Variants in CCSER1 observed in about 807,000 individuals in gnomAD.
CCSER1 encodes the protein coiled-coil serine rich protein 1, also known as serine-rich coiled-coil domain-containing protein 1.
A neutral mutation model predicts 82.0 loss-of-function variants in CCSER1; 41 were observed. The observed-to-expected ratio is 0.50, with a 90% confidence interval of 0.39 to 0.65. The LOEUF is 0.65. Ranked by LOEUF, CCSER1 falls within the 30% of genes least tolerant of loss-of-function variation. CCSER1 has a pLI of 0.00. For missense variants in CCSER1, 1,119 were observed against 1,064.2 expected (o/e 1.05, Z -0.72); for synonymous variants, 414 against 383.9 (o/e 1.08, Z -0.92).
chr4:90,449,973 G>A (rs546548404), intron 4 of CCSER1, among the ~76,000 whole-genome samples: 1 of 152,324 alleles, frequency 6.6e-6, no homozygotes, highest in South Asian at 2.1e-4. Flanking sequence ...CCTCATCGCA[G>A]CTGGCATCTT....
intron 10 of CCSER1, among the ~76,000 whole-genome samples, chr4:91,474,847 C>A (rs1176334450): frequency 6.8e-6 from 1 of 146,640 alleles, no homozygotes; most frequent in African/African-American, 2.5e-5. Flanking sequence ...ACATTGCCTT[C>A]CAAATTTGAG....
intron 10 of CCSER1, among the ~76,000 whole-genome samples, chr4:91,334,691 T>C (rs2149280341): frequency 6.6e-6 from 1 of 152,242 alleles, no homozygotes; most frequent in Non-Finnish European, 1.5e-5. Context: ...ATTTGTGCAT[T>C]GTTTTCCACA....
chr4:91,489,880 T>C (rs1758422482), intron 10 of CCSER1, among the ~76,000 whole-genome samples: 1 of 152,078 alleles, frequency 6.6e-6, no homozygotes, highest in Non-Finnish European at 1.5e-5. Context: ...TATATGGACC[T>C]CAAACAACTC....
chr4:90,261,465 C>G (rs1011684784), intron 1 of CCSER1, among the ~76,000 whole-genome samples: 3 of 152,154 alleles, frequency 2.0e-5, no homozygotes, highest in African/African-American at 7.2e-5. Flanking sequence ...GCTGAGAAGT[C>G]TTCTGTTAGT....
chr4:90,488,143 A>G (rs1767409137), intron 5 of CCSER1, among the ~76,000 whole-genome samples: 1 of 152,184 alleles, frequency 6.6e-6, no homozygotes, highest in Admixed American at 6.5e-5. Flanking sequence ...TGTCTGGACT[A>G]CATGATTGTT....
At chr4:91,174,475 G>C (rs1370435947) in intron 10 of CCSER1, among the ~76,000 whole-genome samples, 2 of 151,978 alleles carry the variant, frequency 1.3e-5, no homozygotes, top group South Asian at 2.1e-4. Context: ...TATAAGTTCT[G>C]GGAAGCATGT....
rs138069376 is a variant in CCSER1, at chr4:90,917,652, T to C, written c.2095-5718T>C. The stretch of plus-strand genomic sequence containing the variant: ...CTTTGTGCACATGTACCCTAGAACT[T>C]AAAGTATAATTTTTTAAAAAAGATC... On this transcript the variant is annotated intron_variant, in intron 8 of 10. Coordinates refer to ENST00000509176, the MANE Select transcript of CCSER1 (RefSeq NM_001145065.2). Among the ~76,000 whole-genome samples, 198 of 152,220 alleles carry C rather than the reference T, an allele frequency of 1.3e-3. 1 individual carries two copies. Among genetic ancestry groups the C allele is most frequent in the African/African-American group, 4.6e-3 (192 of 41,528 alleles).
Position 91,309,290 on chromosome 4 carries a change from TTAAAA to T in CCSER1, c.2217+223302_2217+223306del, listed in dbSNP as rs558645211. On this transcript the variant is annotated intron_variant, in intron 10 of 10. Transcript: ENST00000509176. ...GGCTGATATTTGTTAATACAGCTAT[TTAAAA>T]TAAAACCACCAACAACAAATTCTTC... 1.5e-4 allele frequency among the ~76,000 whole-genome samples: 23 copies of T among 152,152 alleles called. No individual in the cohort carries two copies. The South Asian group carries it at 1.7e-3, about 11-fold the overall frequency.
intron 5 of CCSER1, among the ~76,000 whole-genome samples, chr4:90,598,405 G>A (rs1032634187): frequency 7.9e-5 from 12 of 152,032 alleles, no homozygotes; most frequent in African/African-American, 2.9e-4. Flanking sequence ...ATCTCCTCAT[G>A]CTGCACCAAT....
chr4:91,203,259 T>A (rs1736075436), intron 10 of CCSER1, among the ~76,000 whole-genome samples: 2 of 151,988 alleles, frequency 1.3e-5, no homozygotes, highest in Non-Finnish European at 2.9e-5. Flanking sequence ...ATGCTGAGCT[T>A]TTTTTCATGT....
At chr4:91,309,400 G>A (rs1360347645) in intron 10 of CCSER1, among the ~76,000 whole-genome samples, 1 of 152,066 alleles carries the variant, frequency 6.6e-6, no homozygotes, top group Non-Finnish European at 1.5e-5. Context: ...TCACATGAAT[G>A]AGCTCAAGTG....
At chr4:90,706,930 A>G (rs1432691921) in intron 6 of CCSER1, among the ~76,000 whole-genome samples, 1 of 152,154 alleles carries the variant, frequency 6.6e-6, no homozygotes, top group African/African-American at 2.4e-5. Flanking sequence ...TGGATTTTTA[A>G]AAGCCATACC....
intron 5 of CCSER1, among the ~76,000 whole-genome samples, chr4:90,610,656 A>G (rs928852836): frequency 1.3e-5 from 2 of 152,228 alleles, no homozygotes; most frequent in Non-Finnish European, 2.9e-5. Context: ...CAAATCAATA[A>G]TTAAGCAGTA....
chr4:90,533,404 T>TA (rs1459411722), intron 5 of CCSER1, among the ~76,000 whole-genome samples: 1 of 152,184 alleles, frequency 6.6e-6, no homozygotes, highest in Admixed American at 6.5e-5. Context: ...CTCTCTCTGT[T>TA]TTATCTGCTA....
At chr4:90,498,674 A>C (rs2153610413) in intron 5 of CCSER1, among the ~76,000 whole-genome samples, 1 of 152,288 alleles carries the variant, frequency 6.6e-6, no homozygotes, top group South Asian at 2.1e-4. Flanking sequence ...AGATGATAAA[A>C]ATTCTAAGTC....
At chr4:91,168,897 T>C (rs2148997550) in intron 10 of CCSER1, among the ~76,000 whole-genome samples, 1 of 152,248 alleles carries the variant, frequency 6.6e-6, no homozygotes, top group South Asian at 2.1e-4. Context: ...TCTATAACCT[T>C]ACCCCCAACC....
intron 10 of CCSER1, among the ~76,000 whole-genome samples, chr4:91,560,085 A>G (rs968138845): frequency 4.0e-5 from 6 of 151,444 alleles, no homozygotes; most frequent in African/African-American, 1.5e-4. Context: ...TAAATGCTAG[A>G]TACATATACT....
At chr4:91,271,500 G>A (rs1013683221) in intron 10 of CCSER1, among the ~76,000 whole-genome samples, 2 of 151,956 alleles carry the variant, frequency 1.3e-5, no homozygotes, top group African/African-American at 4.8e-5. Context: ...TCCCACTTAT[G>A]AGTGAGAACA....
At chr4:90,274,189 C>G (rs1397328823) in intron 1 of CCSER1, among the ~76,000 whole-genome samples, 1 of 152,002 alleles carries the variant, frequency 6.6e-6, no homozygotes, top group Admixed American at 6.6e-5. Context: ...AAGAATTTGT[C>G]TTGGGGTAGA....
Sources: allele counts gnomAD v4.1 joint callset (sites outside exome capture counted in the v4.1 genomes callset), GRCh38; gene constraint gnomAD v4.1.1; transcripts MANE v1.5; gene names NCBI Gene and HGNC (gene_info 2026-07-23, HGNC 2026-07-21).